NRXN1: variants seen among roughly 807,000 people sequenced by gnomAD.
The protein encoded by NRXN1 is neurexin-1.
A neutral mutation model predicts 150.9 loss-of-function variants in NRXN1; 39 were observed. The observed-to-expected ratio is 0.26, with a 90% CI of 0.20 to 0.34. The LOEUF (loss-of-function observed/expected upper bound fraction) is 0.34, where lower values mean the gene tolerates loss of function less well. NRXN1 is among the 10% of genes least tolerant of loss of function. The pLI, the probability that NRXN1 is intolerant of heterozygous loss-of-function variation, is 1.00. For synonymous variants in NRXN1, 924 were observed against 757.0 expected (o/e 1.22, Z -3.62); for missense variants, 1,815 against 1,949.9 (o/e 0.93, Z 1.30).
intron 18 of NRXN1, among the ~76,000 whole-genome samples, chr2:50,229,233 G>C (rs1472497104): frequency 1.3e-5 from 2 of 151,640 alleles, no homozygotes; most frequent in Non-Finnish European, 2.9e-5. Context: ...TCATCATCTT[G>C]TTTTCTGGTC....
intron 2 of NRXN1, among the ~76,000 whole-genome samples, chr2:51,027,273 C>T (rs1049051010): frequency 6.6e-6 from 1 of 152,152 alleles, no homozygotes; most frequent in Non-Finnish European, 1.5e-5. Context: ...AGAAAGGTCT[C>T]CAGAAGGAAC....
intron 19 of NRXN1, among the ~76,000 whole-genome samples, chr2:50,063,547 GAC>G (rs3046664): frequency 0.049 from 6,703 of 137,470 alleles, 180 homozygotes; most frequent in African/African-American, 0.065. Flanking sequence ...CACCTCAACA[GAC>G]ACACACACAC....
chr2:50,216,253 C>G, intron 18 of NRXN1, among the ~76,000 whole-genome samples: 1 of 151,958 alleles, frequency 6.6e-6, no homozygotes, highest in Admixed American at 6.6e-5. Flanking sequence ...TTAAATACTT[C>G]AGTGTCAAAT....
rs1270602272 is a variant in NRXN1 at position 51,028,581 on chromosome 2, A to T, written c.-308T>A. On this transcript the variant is annotated 5_prime_UTR_variant, in exon 2 of 23. Transcript: ENST00000401669. The stretch of plus-strand genomic sequence containing the variant: ...AACGTTCTGGAAAAGGCTTCAACAA[A>T]AGATCAAGGGAAAGCACTGACCCAT... The T allele has an allele frequency of 1.3e-5, 4 of 318,774 alleles. No homozygotes were observed. The highest frequency in any genetic ancestry group is 2.3e-5 in the Non-Finnish European group (4 of 175,234). 19.7% of individuals were successfully genotyped at this position (318,774 alleles called of 1,614,324 possible).
At chr2:50,761,346 G>A (rs1209318999) in intron 5 of NRXN1, among the ~76,000 whole-genome samples, 3 of 151,740 alleles carry the variant, frequency 2.0e-5, no homozygotes. Context: ...TTGAATCATG[G>A]GGGCGAGTTT....
chr2:50,796,322 A>G (rs745893949), intron 5 of NRXN1, among the ~76,000 whole-genome samples: 57 of 152,306 alleles, frequency 3.7e-4, no homozygotes, highest in Admixed American at 1.1e-3. Context: ...CCACTTCATC[A>G]TATTTGTTGG....
intron 18 of NRXN1, among the ~76,000 whole-genome samples, chr2:50,233,831 T>A (rs2065179388): frequency 6.6e-6 from 1 of 152,058 alleles, no homozygotes; most frequent in African/African-American, 2.4e-5. Context: ...ATTTCAATAA[T>A]GAAAGAAGTA....
chr2:50,668,746 T>A (rs1688422341), intron 5 of NRXN1, among the ~76,000 whole-genome samples: 2 of 151,982 alleles, frequency 1.3e-5, no homozygotes, highest in African/African-American at 2.4e-5. Flanking sequence ...GGATTCCTCC[T>A]CCTCCTGGTT....
chr2:50,438,008 C>A (rs1335538985), intron 17 of NRXN1, among the ~76,000 whole-genome samples: 3 of 152,180 alleles, frequency 2.0e-5, no homozygotes, highest in Admixed American at 6.5e-5. Context: ...TCACAGCAGA[C>A]TCACTGTGGC....
intron 17 of NRXN1, among the ~76,000 whole-genome samples, chr2:50,429,555 C>A (rs760971129): frequency 2.7e-5 from 4 of 149,844 alleles, no homozygotes; most frequent in Non-Finnish European, 4.4e-5. Flanking sequence ...GTGCGCCAGC[C>A]AATAATATTC....
At chr2:50,201,697 T>A (rs892287097) in intron 18 of NRXN1, among the ~76,000 whole-genome samples, 2 of 152,200 alleles carry the variant, frequency 1.3e-5, no homozygotes, top group African/African-American at 4.8e-5. Flanking sequence ...TACACACGCA[T>A]TATCCTCACT....
At chr2:50,005,395 A>G (rs539278116) in intron 21 of NRXN1, among the ~76,000 whole-genome samples, 3 of 152,278 alleles carry the variant, frequency 2.0e-5, no homozygotes, top group Non-Finnish European at 4.4e-5. Context: ...ACTTGCTCCA[A>G]TTCTAAAATG....
intron 8 of NRXN1, among the ~76,000 whole-genome samples, chr2:50,582,754 T>A (rs1011976728): frequency 3.3e-5 from 5 of 152,002 alleles, no homozygotes; most frequent in Admixed American, 6.6e-5. Flanking sequence ...CTACCTCATA[T>A]CAAAATATTA....
chr2:50,078,157 T>A (rs952705600), intron 19 of NRXN1, among the ~76,000 whole-genome samples: 54 of 152,218 alleles, frequency 3.5e-4, no homozygotes, highest in Non-Finnish European at 5.6e-4. Flanking sequence ...TAGATTAAGT[T>A]ACACCTTTGG....
intron 18 of NRXN1, among the ~76,000 whole-genome samples, chr2:50,225,515 T>C (rs1404510786): frequency 3.3e-5 from 5 of 151,874 alleles, no homozygotes; most frequent in Non-Finnish European, 7.4e-5. Flanking sequence ...CAAAGTATTA[T>C]GATTGTACCA....
intron 8 of NRXN1, among the ~76,000 whole-genome samples, chr2:50,574,458 T>TA (rs1047327789): frequency 9.2e-5 from 14 of 152,120 alleles, no homozygotes; most frequent in African/African-American, 1.7e-4. Context: ...ATATCTCTAA[T>TA]AAAAAAATCA....
Position 50,553,169 on chromosome 2 carries a change from G to A in NRXN1, c.1321-144C>T, listed in dbSNP as rs554957444. On this transcript the variant is annotated intron_variant, in intron 8 of 22. Coordinates refer to ENST00000401669, the MANE Select transcript of NRXN1 (RefSeq NM_001330078.2). ...TGTTGTATAAAGGCAACATTTCTCA[G>A]GCAAATAAAATTCAAGTGTCAATTC... 1.5e-4 allele frequency: 97 copies of A among 634,140 alleles called. No homozygotes were observed. The East Asian group carries it at 2.4e-3, about 16-fold the overall frequency. 39.3% of individuals were successfully genotyped at this position (634,140 alleles called of 1,614,324 possible).
At chr2:50,002,779 T>G (rs1448115674) in intron 21 of NRXN1, among the ~76,000 whole-genome samples, 1 of 152,110 alleles carries the variant, frequency 6.6e-6, no homozygotes, top group Non-Finnish European at 1.5e-5. Context: ...TAGTTAGTTG[T>G]ATGACTAAAG....
chr2:50,593,327 C>G (rs1388611910), intron 8 of NRXN1, among the ~76,000 whole-genome samples: 3 of 152,154 alleles, frequency 2.0e-5, no homozygotes, highest in Admixed American at 2.0e-4. Context: ...TGAAAATGAA[C>G]ACATGGAGTC....
Sources: allele counts gnomAD v4.1 joint callset (sites outside exome capture counted in the v4.1 genomes callset), GRCh38; gene constraint gnomAD v4.1.1; transcripts MANE v1.5; gene names NCBI Gene and HGNC (gene_info 2026-07-23, HGNC 2026-07-21).